Variants in AQP7 observed in about 807,000 individuals in gnomAD.
AQP7 encodes aquaporin 7.
Under a neutral mutation model 26.1 loss-of-function variants are expected in AQP7, and 22 were observed. That is an observed-to-expected ratio of 0.84 (90% confidence interval 0.60 to 1.20). The LOEUF is 1.20. Ranked by LOEUF, AQP7 falls within the 50% of genes most tolerant of loss-of-function variation. AQP7 has a pLI of 0.00. For missense variants in AQP7, 412 were observed against 457.5 expected (o/e 0.90, Z 0.91); for synonymous variants, 167 against 181.7 (o/e 0.92, Z 0.65).
At position 33,386,653 on chromosome 9, in the gene AQP7, C is replaced by T. The variant is rs4008671; in HGVS notation, c.269-112G>A. On this transcript the variant is annotated intron_variant, in intron 4 of 7. Transcript: ENST00000297988. The stretch of plus-strand genomic sequence containing the variant: ...TATGACAGCATGCTCCGTGACAGAG[C>T]TCTCTCCTTGAGCCCTCACAACCAC... The T allele has an allele frequency of 3.9e-3, 5,427 of 1,406,336 alleles. 134 individuals carry two copies. In the South Asian group the frequency reaches 0.048, roughly 13 times the overall value. 87.1% of individuals were successfully genotyped at this position (1,406,336 alleles called of 1,614,324 possible). A position where few individuals can be genotyped will look rare whatever the true frequency, so the allele number is the denominator to read the frequency against.
intron 3 of AQP7, among the ~76,000 whole-genome samples, chr9:33,391,092 G>A (rs1825349354): frequency 6.6e-6 from 1 of 152,162 alleles, no homozygotes; most frequent in South Asian, 2.1e-4. Context: ...GGGCAACAGG[G>A]TGAGACTCGG....
At chr9:33,388,781 T>TA (rs1825106554) in intron 3 of AQP7, among the ~76,000 whole-genome samples, 5 of 152,226 alleles carry the variant, frequency 3.3e-5, no homozygotes, top group Admixed American at 3.3e-4. Context: ...TCCAGGCAGT[T>TA]ACCTGTGCCA....
chr9:33,386,282 G>C lies in AQP7; in HGVS notation c.407-87C>G. The C allele has an allele frequency of 1.9e-6, 3 of 1,601,024 alleles. No homozygotes were observed. In the South Asian group the frequency reaches 3.3e-5, roughly 18 times the overall value. On this transcript the variant is annotated intron_variant, in intron 5 of 7. Coordinates refer to ENST00000297988, the MANE Select transcript of AQP7 (RefSeq NM_001170.3). ...AATGAGGTTATAGGTTAGAGGGTGG[G>C]GGATCTCCAAGGCTTTTTTCTCCCA... is the stretch of plus-strand genomic sequence containing the variant.
intron 3 of AQP7, 135 bp downstream of exon 3, chr9:33,394,943 T>A: frequency 1.3e-6 from 1 of 787,906 alleles, no homozygotes; most frequent in Non-Finnish European, 2.1e-6. Context: ...CCCTCCTTAC[T>A]TTCCTCTGCT....
chr9:33,393,271 G>T (rs1825571241), intron 3 of AQP7, among the ~76,000 whole-genome samples: 2 of 152,156 alleles, frequency 1.3e-5, no homozygotes, highest in South Asian at 4.1e-4. Flanking sequence ...GATACTTGTG[G>T]ATAGTCGCAC....
rs941906731 is a variant in AQP7, at chr9:33,394,928, G to GC, written c.144+149dup. The GC allele has an allele frequency of 1.6e-4, 111 of 689,784 alleles. 1 individual carries two copies. Among genetic ancestry groups the GC allele is most frequent in the Middle Eastern group, 1.2e-3 (3 of 2,432 alleles). 42.7% of individuals were successfully genotyped at this position (689,784 alleles called of 1,614,324 possible). On this transcript the variant is annotated intron_variant, in intron 3 of 7. Transcript: ENST00000297988. Reference sequence around the variant, plus strand: ...CTGTCCAAAAAGGCTTGATGAGAAAGCCCCCCCTCCTTACTTTCCTCTGCT... The same window carrying GC: ...CTGTCCAAAAAGGCTTGATGAGAAAGCCCCCCCCTCCTTACTTTCCTCTGCT...
At chr9:33,389,028 T>C (rs1825129462) in intron 3 of AQP7, among the ~76,000 whole-genome samples, 2 of 79,314 alleles carry the variant, frequency 2.5e-5, no homozygotes, top group African/African-American at 5.0e-5. Flanking sequence ...AGCCAATTTT[T>C]TTTTTTTTTT....
chr9:33,396,669 A>G (rs3877998), intron 2 of AQP7, among the ~76,000 whole-genome samples: 42,212 of 125,764 alleles, frequency 0.34, 7,462 homozygotes, highest in Middle Eastern at 0.36. Context: ...TCCTTTACCC[A>G]CCAGCCTTCT....
In AQP7 at chr9:33,386,824, C is replaced by T. The variant is rs572891473; in HGVS notation, c.268+145G>A. ...ATCTGGGGCAAACACGTCATAGGCA[C>T]GGGGTTCAGAGGAGACTTCCTCCCG... On this transcript the variant is annotated intron_variant, in intron 4 of 7. Transcript: ENST00000297988. The T allele has an allele frequency of 5.6e-4, 684 of 1,224,434 alleles. 2 individuals carry two copies. The highest frequency in any genetic ancestry group is 7.1e-4 in the Non-Finnish European group (625 of 881,372). 75.8% of individuals were successfully genotyped at this position (1,224,434 alleles called of 1,614,324 possible).
In AQP7 at chr9:33,385,858, C is replaced by G. The variant is rs1476150227; in HGVS notation, c.534G>C (p.Leu178=). ...LWRGFLNEAW[L]TGMLQLCLFA... The stretch of plus-strand genomic sequence containing the variant: ...AGAGACACAGCTGGAGCATCCCGGT[C>G]AGCCACGCCTGAGGAGCAGATGCTG... Residue 178 remains leucine (L), a synonymous_variant, in exon 7 of 8, where the codon CTG becomes CTC. Transcript: ENST00000297988. 3.7e-6 allele frequency: 6 copies of G among 1,607,494 alleles called. No individual in the cohort carries two copies. Among genetic ancestry groups the G allele is most frequent in the Non-Finnish European group, 5.1e-6 (6 of 1,176,180 alleles).
chr9:33,399,073 C>CA (rs1418805478), intron 2 of AQP7, among the ~76,000 whole-genome samples: 1 of 148,342 alleles, frequency 6.7e-6, no homozygotes, highest in African/African-American at 2.5e-5. Context: ...TCCCAGGGTT[C>CA]AAGCAATCCT....
rs1554713925 is a variant in AQP7 at position 33,384,392 on chromosome 9, AT to A, written c.*612del. ...TCTTAAAAGGGGAGGTGAAAAAAAA[AT>A]CTTACTCTTTTTTATGTATAAAGCA... On this transcript the variant is annotated 3_prime_UTR_variant, in exon 8 of 8. Coordinates refer to ENST00000297988, the MANE Select transcript of AQP7 (RefSeq NM_001170.3). 6.6e-6 allele frequency: 1 copy of A among 152,210 alleles called. No individual in the cohort carries two copies. The highest frequency in any genetic ancestry group is 2.4e-5 in the African/African-American group (1 of 41,434). 9.4% of individuals were successfully genotyped at this position (152,210 alleles called of 1,614,324 possible). A position where few individuals can be genotyped will look rare whatever the true frequency, so the allele number is the denominator to read the frequency against.
At chr9:33,387,113 G>C (rs1486285294) in intron 3 of AQP7, 21 bp from the exon 4 acceptor site, 1 of 1,607,586 alleles carries the variant, frequency 6.2e-7, no homozygotes, top group East Asian at 2.2e-5. Flanking sequence ...GGGCCTCTAA[G>C]GGGGCTGCCT....
chr9:33,394,544 C>CTGGA (rs1825691847), intron 3 of AQP7, among the ~76,000 whole-genome samples: 1 of 146,540 alleles, frequency 6.8e-6, no homozygotes, highest in African/African-American at 2.5e-5. Context: ...GTCACCCAGG[C>CTGGA]TGGAGTGCAA....
chr9:33,390,038 A>G (rs537747759), intron 3 of AQP7, among the ~76,000 whole-genome samples: 5 of 151,848 alleles, frequency 3.3e-5, no homozygotes, highest in African/African-American at 1.2e-4. Context: ...AAAAAAAAAA[A>G]AAAAAAAAGA....
At chr9:33,392,657 G>C (rs1223499453) in intron 3 of AQP7, among the ~76,000 whole-genome samples, 1 of 152,160 alleles carries the variant, frequency 6.6e-6, no homozygotes, top group African/African-American at 2.4e-5. Flanking sequence ...AGCCCTCATG[G>C]GGCTGGAATG....
intron 4 of AQP7, 77 bp from the exon 5 acceptor site, chr9:33,386,618 G>C (rs1824833006): frequency 6.6e-7 from 1 of 1,516,934 alleles, no homozygotes; most frequent in South Asian, 1.2e-5. Flanking sequence ...GAACAACGAT[G>C]GCTAGTGTGT....
rs1455257223 is a variant in AQP7, at chr9:33,383,875, C to T, written c.*1130G>A. On this transcript the variant is annotated 3_prime_UTR_variant, in exon 8 of 8. Coordinates refer to ENST00000297988, the MANE Select transcript of AQP7 (RefSeq NM_001170.3). ...GAGGCTGGATGTGAGCTCCCCTACC[C>T]CGAGCCCCACAGCCTCCAAGCCTCC... 6.6e-6 allele frequency: 1 copy of T among 152,298 alleles called. No homozygotes were observed. The highest frequency in any genetic ancestry group is 2.4e-5 in the African/African-American group (1 of 41,436). 9.4% of individuals were successfully genotyped at this position (152,298 alleles called of 1,614,324 possible).
In AQP7 at chr9:33,385,690, G is replaced by A; in HGVS notation, c.702C>T (p.Arg234=). ...CCCAACCAGCAATGAAGGTGAAGAT[G>A]CGGGGGGGCAGGTCCCGGGACGGGT... ...AINPSRDLPP[R]IFTFIAGWGK... Residue 234 remains arginine (R), a synonymous_variant, in exon 7 of 8, where the codon CGC becomes CGT. Transcript: ENST00000297988. 1 of 1,613,928 alleles carries A rather than the reference G, an allele frequency of 6.2e-7. No homozygotes were observed. Among genetic ancestry groups the A allele is most frequent in the Non-Finnish European group, 8.5e-7 (1 of 1,180,036 alleles).
Sources: gnomAD v4.1 joint callset for allele counts (sites outside exome capture counted in the v4.1 genomes callset) on GRCh38, gnomAD v4.1.1 for gene constraint, MANE v1.5 for transcripts, NCBI Gene and HGNC (gene_info 2026-07-23, HGNC 2026-07-21) for gene names.